NRF1: variants seen among roughly 807,000 people sequenced by gnomAD.
NRF1 encodes the protein alpha palindromic-binding protein.
A neutral mutation model predicts 58.5 loss-of-function variants in NRF1; 5 were observed. The observed-to-expected ratio is 0.09, with a 90% CI of 0.04 to 0.18. The LOEUF (loss-of-function observed/expected upper bound fraction) is 0.18, where lower values mean the gene tolerates loss of function less well. Among genes scored for constraint, NRF1 ranks in the 10% least tolerant of loss-of-function variants. The pLI is 1.00. For missense variants in NRF1, 288 were observed against 657.7 expected, an observed-to-expected ratio of 0.44 and a Z score of 6.15; for synonymous variants, 224 against 246.7, an observed-to-expected ratio of 0.91 and a Z score of 0.86.
intron 10 of NRF1, 99 bp from the exon 11 acceptor site, chr7:129,754,919 C>A: frequency 8.0e-7 from 1 of 1,243,838 alleles, no homozygotes; most frequent in Non-Finnish European, 1.1e-6. Flanking sequence ...AGGCTGGTGA[C>A]CACGATACCT....
chr7:129,750,155 TC>T (rs1176473058), intron 10 of NRF1, among the ~76,000 whole-genome samples: 6 of 152,256 alleles, frequency 3.9e-5, no homozygotes, highest in Admixed American at 1.3e-4. Flanking sequence ...AAGGAGCACT[TC>T]CACCCCTTAA....
chr7:129,752,168 A>G (rs1043020448), intron 10 of NRF1, among the ~76,000 whole-genome samples: 2 of 152,218 alleles, frequency 1.3e-5, no homozygotes, highest in East Asian at 1.9e-4. Flanking sequence ...TGGCTTATCC[A>G]TGGCTGTCCC....
chr7:129,654,430 A>G (rs1801606412), intron 1 of NRF1, among the ~76,000 whole-genome samples: 1 of 152,078 alleles, frequency 6.6e-6, no homozygotes, highest in South Asian at 2.1e-4. Context: ...TTCTTTTGGC[A>G]GTGTCTTTCA....
At chr7:129,731,072 G>C (rs1002497021) in intron 10 of NRF1, among the ~76,000 whole-genome samples, 8 of 151,956 alleles carry the variant, frequency 5.3e-5, no homozygotes, top group African/African-American at 1.9e-4. Context: ...AGGAGTTTGA[G>C]ACCAGCCTGA....
chr7:129,675,026 G>C (rs778472519), intron 3 of NRF1, among the ~76,000 whole-genome samples: 2 of 152,168 alleles, frequency 1.3e-5, no homozygotes, highest in Non-Finnish European at 2.9e-5. Context: ...CTCCAACTCT[G>C]CTGCTGCTTC....
chr7:129,718,918 A>G (rs540956021), intron 9 of NRF1, among the ~76,000 whole-genome samples: 6 of 152,360 alleles, frequency 3.9e-5, no homozygotes, highest in South Asian at 2.1e-4. Context: ...AATCATGTAT[A>G]TGAGATAATA....
chr7:129,698,728 A>T (rs1802753582), intron 5 of NRF1, among the ~76,000 whole-genome samples: 1 of 152,198 alleles, frequency 6.6e-6, no homozygotes, highest in African/African-American at 2.4e-5. Context: ...TAGGTCTGGA[A>T]TGGGCCTGAG....
At chr7:129,708,331 G>A (rs1487296263) in intron 5 of NRF1, among the ~76,000 whole-genome samples, 1 of 152,236 alleles carries the variant, frequency 6.6e-6, no homozygotes, top group Non-Finnish European at 1.5e-5. Flanking sequence ...AATGGCAGTT[G>A]TCTTTGTGGT....
intron 6 of NRF1, among the ~76,000 whole-genome samples, chr7:129,709,817 G>A (rs749660349): frequency 3.4e-5 from 5 of 145,720 alleles, no homozygotes; most frequent in African/African-American, 7.7e-5. Flanking sequence ...CGCAACCTCT[G>A]CCTCCCGGGT....
rs1800658875 is a variant in NRF1, at chr7:129,616,306, G to A, written c.-7+4482G>A. On this transcript the variant is annotated intron_variant, in intron 1 of 10. Coordinates refer to ENST00000393232, the MANE Select transcript of NRF1 (RefSeq NM_005011.5). Reference sequence around the variant, plus strand: ...CTAGTATATTAGAAAACAATGGCTGGTTATGGTGGTTCATGCCTATAATCC... The same window carrying A: ...CTAGTATATTAGAAAACAATGGCTGATTATGGTGGTTCATGCCTATAATCC... 2.0e-5 allele frequency among the ~76,000 whole-genome samples: 3 copies of A among 152,200 alleles called. No homozygotes were observed. In the South Asian group the frequency reaches 6.2e-4, roughly 32 times the overall value.
intron 8 of NRF1, among the ~76,000 whole-genome samples, chr7:129,713,000 G>A (rs779202438): frequency 3.3e-5 from 5 of 151,736 alleles, no homozygotes; most frequent in African/African-American, 2.4e-5. Context: ...AATGTTTCTT[G>A]GTACTATTTA....
rs899190824 is a variant in NRF1 at position 129,635,542 on chromosome 7, C to A, written c.-6-21804C>A. On this transcript the variant is annotated intron_variant, in intron 1 of 10. Coordinates refer to ENST00000393232, the MANE Select transcript of NRF1 (RefSeq NM_005011.5). ...AGAATATCAATAGATTCTGTTCTCCCAGGAGAAGGGCAAGGACTGTATCCA... is the reference window on the plus strand; with the variant it reads ...AGAATATCAATAGATTCTGTTCTCCAAGGAGAAGGGCAAGGACTGTATCCA... Among the ~76,000 whole-genome samples, 3 of 152,180 alleles carry A rather than the reference C, an allele frequency of 2.0e-5. No individual in the cohort carries two copies. In the East Asian group the frequency reaches 5.8e-4, roughly 29 times the overall value.
chr7:129,650,612 A>ATTCTGGCATCATCATAATTTT (rs1350427578), intron 1 of NRF1, among the ~76,000 whole-genome samples: 1 of 152,148 alleles, frequency 6.6e-6, no homozygotes, highest in East Asian at 1.9e-4. Context: ...AGACATAGAG[A>ATTCTGGCATCATCATAATTTT]TTCTGGCATC....
chr7:129,684,370 G>A (rs1802398952), intron 4 of NRF1, among the ~76,000 whole-genome samples: 1 of 152,216 alleles, frequency 6.6e-6, no homozygotes, highest in African/African-American at 2.4e-5. Flanking sequence ...CTATGTATTA[G>A]TTCTGTTCTT....
chr7:129,691,464 C>T (rs1170721311), intron 5 of NRF1, among the ~76,000 whole-genome samples: 2 of 150,092 alleles, frequency 1.3e-5, no homozygotes, highest in South Asian at 2.1e-4. Flanking sequence ...TGGGTTCAAG[C>T]GCTACTCGTG....
intron 1 of NRF1, among the ~76,000 whole-genome samples, chr7:129,625,481 TTTTA>T (rs896047543): frequency 8.6e-5 from 13 of 152,018 alleles, no homozygotes; most frequent in South Asian, 4.1e-4. Context: ...ATCATCTTAA[TTTTA>T]TTTATTTATT....
chr7:129,749,148 T>TA (rs1238961336), intron 10 of NRF1, among the ~76,000 whole-genome samples: 1 of 152,236 alleles, frequency 6.6e-6, no homozygotes, highest in Non-Finnish European at 1.5e-5. Flanking sequence ...CATCACTTTG[T>TA]ACGGAAGTTT....
At chr7:129,719,146 A>T (rs6467261) in intron 9 of NRF1, among the ~76,000 whole-genome samples, 135,871 of 149,936 alleles carry the variant, frequency 0.91, 61,523 homozygotes, top group East Asian at 0.93. Context: ...TTTTTTTTTT[A>T]TTTGAAACGG....
chr7:129,669,539 A>C (rs979956108), intron 2 of NRF1, among the ~76,000 whole-genome samples: 1 of 152,222 alleles, frequency 6.6e-6, no homozygotes, highest in Non-Finnish European at 1.5e-5. Context: ...TTAAGTTTTC[A>C]TAATAAAATA....
Sources: gnomAD v4.1 joint callset for allele counts (sites outside exome capture counted in the v4.1 genomes callset) on GRCh38, gnomAD v4.1.1 for gene constraint, MANE v1.5 for transcripts, NCBI Gene and HGNC (gene_info 2026-07-23, HGNC 2026-07-21) for gene names.